The following GXYLT2 variants were observed in gnomAD, a reference collection of about 807,000 sequenced individuals.
GXYLT2 encodes the protein glucoside xylosyltransferase 2.
GXYLT2 carries 53 observed loss-of-function variants against 45.8 expected under a neutral mutation model. That is an observed-to-expected ratio of 1.16 (90% CI 0.93 to 1.46). The LOEUF is 1.46. Ranked by LOEUF, GXYLT2 falls within the 40% of genes most tolerant of loss-of-function variation. The probability of loss-of-function intolerance (pLI) is 0.00; values close to 1 mark genes in which losing one functional copy is unlikely to be tolerated. For synonymous variants in GXYLT2, 219 were observed against 214.2 expected (o/e 1.02, Z -0.19); for missense variants, 551 against 544.4 (o/e 1.01, Z -0.12).
intron 2 of GXYLT2, among the ~76,000 whole-genome samples, chr3:72,921,514 G>A (rs139783096): frequency 6.6e-6 from 1 of 152,048 alleles, no homozygotes; most frequent in Non-Finnish European, 1.5e-5. Context: ...TGCAACCTCC[G>A]CCTCCCTGGT....
intron 5 of GXYLT2, among the ~76,000 whole-genome samples, chr3:72,966,309 T>A (rs1252059489): frequency 1.3e-5 from 2 of 151,346 alleles, no homozygotes; most frequent in Non-Finnish European, 2.9e-5. Flanking sequence ...TTTTTTTTTT[T>A]TTCTTTGGTT....
chr3:72,972,379 G>A (rs1711001431), intron 6 of GXYLT2, among the ~76,000 whole-genome samples: 1 of 37,794 alleles, frequency 2.6e-5, no homozygotes, highest in African/African-American at 3.4e-4. Flanking sequence ...GGCGCAGTGG[G>A]TCACACCTCC....
chr3:72,934,583 C>G (rs1188968529), intron 3 of GXYLT2, among the ~76,000 whole-genome samples: 2 of 152,052 alleles, frequency 1.3e-5, no homozygotes, highest in Non-Finnish European at 1.5e-5. Flanking sequence ...GAAGATGAAC[C>G]TAAAATCAGG....
intron 2 of GXYLT2, among the ~76,000 whole-genome samples, chr3:72,915,353 T>TTG: frequency 3.9e-5 from 3 of 77,168 alleles, no homozygotes; most frequent in African/African-American, 1.4e-4. Flanking sequence ...TTTTTTTTTT[T>TTG]TGCGGGGGGG....
intron 1 of GXYLT2, among the ~76,000 whole-genome samples, chr3:72,904,393 G>A (rs1368272839): frequency 6.6e-6 from 1 of 152,218 alleles, no homozygotes; most frequent in Non-Finnish European, 1.5e-5. Flanking sequence ...CCTAAAGCCT[G>A]AGATTTTTCA....
chr3:72,974,857 C>T (rs1711062027), intron 6 of GXYLT2, 120 bp from the exon 7 acceptor site: 1 of 715,248 alleles, frequency 1.4e-6, no homozygotes, highest in African/African-American at 1.8e-5. Flanking sequence ...GGTCTTTTCA[C>T]TTGTCCAAAC....
At chr3:72,957,621 T>C (rs1368063153) in intron 5 of GXYLT2, among the ~76,000 whole-genome samples, 1 of 152,196 alleles carries the variant, frequency 6.6e-6, no homozygotes, top group Non-Finnish European at 1.5e-5. Flanking sequence ...ATACCATTCT[T>C]CTAAGAAGTG....
chr3:72,909,621 C>T (rs1171338192), intron 2 of GXYLT2, among the ~76,000 whole-genome samples: 1 of 152,110 alleles, frequency 6.6e-6, no homozygotes, highest in Non-Finnish European at 1.5e-5. Context: ...TATTATGGGG[C>T]TGGGTCCTCA....
intron 3 of GXYLT2, among the ~76,000 whole-genome samples, chr3:72,932,121 T>G (rs1341529807): frequency 1.3e-5 from 2 of 152,016 alleles, no homozygotes; most frequent in African/African-American, 2.4e-5. Context: ...GGCACGATCT[T>G]GGCTCACACC....
chr3:72,957,303 C>T lies in GXYLT2; in HGVS notation c.927C>T (p.Ile309=). 1.2e-6 allele frequency: 2 copies of T among 1,613,320 alleles called. No homozygotes were observed. Among genetic ancestry groups the T allele is most frequent in the Admixed American group, 3.3e-5 (2 of 59,972 alleles). The change falls in exon 5 of 7, where the codon ATC becomes ATT. Residue 309 remains isoleucine, a synonymous_variant. Transcript: ENST00000389617. ...TGTACCAGAAGTACAAGAATGCCAT[C>T]ACGTGGGGAGACCAGGATTTATTAA... ...YPLYQKYKNA[I]TWGDQDLLNI...
chr3:72,929,007 C>T lies in GXYLT2; in HGVS notation c.600+6672C>T. The T allele has an allele frequency of 4.7e-6, 6 of 1,276,736 alleles. No homozygotes were observed. The South Asian group carries it at 6.0e-5, about 13-fold the overall frequency. 79.1% of individuals were successfully genotyped at this position (1,276,736 alleles called of 1,614,324 possible). A position where few individuals can be genotyped will look rare whatever the true frequency, so the allele number is the denominator to read the frequency against. ...CCAAGGCCCGCCGCCGCTCCAGCGC[C>T]GCGCAGCCACCGCCGCCTCTCCTTA... On this transcript the variant is annotated intron_variant, in intron 3 of 6. Coordinates refer to ENST00000389617, the MANE Select transcript of GXYLT2 (RefSeq NM_001080393.2).
intron 3 of GXYLT2, among the ~76,000 whole-genome samples, chr3:72,938,720 G>A (rs1044150748): frequency 2.6e-5 from 4 of 152,190 alleles, no homozygotes; most frequent in East Asian, 1.9e-4. Context: ...AGAACATGCC[G>A]GAGAAACCAG....
At chr3:72,919,925 T>A (rs571419782) in intron 2 of GXYLT2, among the ~76,000 whole-genome samples, 149 of 152,296 alleles carry the variant, frequency 9.8e-4, no homozygotes, top group African/African-American at 3.4e-3. Flanking sequence ...AACACTAATG[T>A]AAACTGTGGA....
intron 3 of GXYLT2, among the ~76,000 whole-genome samples, chr3:72,936,249 G>A (rs1191388399): frequency 8.7e-5 from 13 of 149,386 alleles, no homozygotes; most frequent in Admixed American, 1.3e-4. Context: ...CCAAGATTGC[G>A]CCATTGCGCT....
At chr3:72,919,695 C>T (rs1415329508) in intron 2 of GXYLT2, among the ~76,000 whole-genome samples, 1 of 152,224 alleles carries the variant, frequency 6.6e-6, no homozygotes, top group Non-Finnish European at 1.5e-5. Context: ...GCGGCGGTTG[C>T]AGTGAGCTGA....
At chr3:72,958,763 C>T (rs766799782) in intron 5 of GXYLT2, among the ~76,000 whole-genome samples, 2 of 150,996 alleles carry the variant, frequency 1.3e-5, no homozygotes, top group African/African-American at 2.4e-5. Context: ...TCCCAAGTAG[C>T]GGAGATTACA....
rs574531982 is a variant in GXYLT2, at chr3:72,892,297, T to C, written c.275+3789T>C. Among the ~76,000 whole-genome samples, 18 of 152,342 alleles carry C rather than the reference T, an allele frequency of 1.2e-4. No individual in the cohort carries two copies. In the South Asian group the frequency reaches 3.7e-3, roughly 32 times the overall value. The stretch of plus-strand genomic sequence containing the variant: ...TGTTTCTCATTTATGGGCTCCATCC[T>C]AGCGCTCTTACTGATTACTCAACCG... On this transcript the variant is annotated intron_variant, in intron 1 of 6. Transcript: ENST00000389617.
intron 3 of GXYLT2, among the ~76,000 whole-genome samples, chr3:72,948,481 A>G (rs938326275): frequency 5.9e-5 from 9 of 152,216 alleles, no homozygotes; most frequent in Admixed American, 5.2e-4. Context: ...AATTCCAAAT[A>G]TTTGGAAATT....
At chr3:72,888,532 C>G (rs765424859) in intron 1 of GXYLT2, 24 bp downstream of exon 1, 432 of 1,203,854 alleles carry the variant, frequency 3.6e-4, no homozygotes, top group Non-Finnish European at 4.2e-4. Context: ...ACCCCAGAAT[C>G]CCATCTGCGG....
Sources: gnomAD v4.1 joint callset for allele counts (sites outside exome capture counted in the v4.1 genomes callset) on GRCh38, gnomAD v4.1.1 for gene constraint, MANE v1.5 for transcripts, NCBI Gene and HGNC (gene_info 2026-07-23, HGNC 2026-07-21) for gene names.